The following RAD51B variants were observed in gnomAD, a reference collection of about 807,000 sequenced individuals.
RAD51B encodes the protein RAD51 paralog B.
Under a neutral mutation model 42.2 loss-of-function variants are expected in RAD51B, and 38 were observed. The observed-to-expected ratio is 0.90, with a 90% CI of 0.70 to 1.18. The LOEUF (loss-of-function observed/expected upper bound fraction) is 1.18. Ranked by LOEUF, RAD51B falls within the 50% of genes most tolerant of loss-of-function variation. RAD51B has a pLI of 0.00. For missense variants in RAD51B, 373 were observed against 400.7 expected, an observed-to-expected ratio of 0.93 and a Z score of 0.59; for synonymous variants, 154 against 145.2, an observed-to-expected ratio of 1.06 and a Z score of -0.43.
At chr14:68,549,033 G>A (rs1888379020) in intron 10 of RAD51B, among the ~76,000 whole-genome samples, 1 of 152,108 alleles carries the variant, frequency 6.6e-6, no homozygotes, top group Non-Finnish European at 1.5e-5. Flanking sequence ...AGATCCCCAG[G>A]GAGTGACTGT....
chr14:68,283,085 A>C (rs2081350339), intron 7 of RAD51B, among the ~76,000 whole-genome samples: 2 of 152,214 alleles, frequency 1.3e-5, no homozygotes, highest in Non-Finnish European at 2.9e-5. Flanking sequence ...AAGAAGGGGA[A>C]ATCACTTAAT....
At chr14:68,038,095 C>T (rs1182870774) in intron 7 of RAD51B, among the ~76,000 whole-genome samples, 2 of 152,192 alleles carry the variant, frequency 1.3e-5, no homozygotes, top group Non-Finnish European at 2.9e-5. Context: ...TATTATTTGA[C>T]ATCATAAATG....
intron 10 of RAD51B, among the ~76,000 whole-genome samples, chr14:68,631,846 C>G (rs1398140044): frequency 6.6e-6 from 1 of 152,200 alleles, no homozygotes; most frequent in Non-Finnish European, 1.5e-5. Context: ...TGCGTGCTGG[C>G]CATCCACCTC....
intron 10 of RAD51B, chr14:68,497,485 GTT>G (rs371293516): frequency 1.1e-5 from 9 of 843,368 alleles, no homozygotes; most frequent in East Asian, 6.2e-5. Context: ...GAACACATAG[GTT>G]TTTTTTTTTT....
At chr14:68,362,910 ATC>A (rs1445925747) in intron 8 of RAD51B, among the ~76,000 whole-genome samples, 1 of 151,870 alleles carries the variant, frequency 6.6e-6, no homozygotes, top group Non-Finnish European at 1.5e-5. Context: ...TCTCACTTTT[ATC>A]TCTAGTTTGA....
At chr14:68,357,220 T>G (rs2082928455) in intron 8 of RAD51B, among the ~76,000 whole-genome samples, 1 of 152,204 alleles carries the variant, frequency 6.6e-6, no homozygotes, top group Admixed American at 6.5e-5. Context: ...CACCAGTAGA[T>G]TCCATCTCAA....
chr14:68,623,186 T>C (rs12890235), intron 10 of RAD51B, among the ~76,000 whole-genome samples: 35,325 of 152,134 alleles, frequency 0.23, 4,392 homozygotes, highest in South Asian at 0.35. Context: ...GGCAGGATTA[T>C]GGGCAGACTG....
At chr14:68,113,007 C>T (rs2077483390) in intron 7 of RAD51B, among the ~76,000 whole-genome samples, 1 of 152,170 alleles carries the variant, frequency 6.6e-6, no homozygotes, top group African/African-American at 2.4e-5. Context: ...TTTGACCTAC[C>T]ATATCTAATT....
At position 68,344,507 on chromosome 14, in the gene RAD51B, C is replaced by T. The variant is rs576703737; in HGVS notation, c.853+52527C>T. Reference sequence around the variant, plus strand: ...CTAAAAGTACAAAAAATTAGCACGGCGTGGTGGTGGGCGCCTGTAGTCCCA... The same window carrying T: ...CTAAAAGTACAAAAAATTAGCACGGTGTGGTGGTGGGCGCCTGTAGTCCCA... On this transcript the variant is annotated intron_variant, in intron 8 of 10. Coordinates refer to ENST00000471583, the MANE Select transcript of RAD51B (RefSeq NM_133510.4). Among the ~76,000 whole-genome samples, 180 of 152,074 alleles carry T rather than the reference C, an allele frequency of 1.2e-3. 1 individual carries two copies. The highest frequency in any genetic ancestry group is 4.1e-3 in the African/African-American group (170 of 41,466).
At chr14:68,296,415 G>A (rs549505257) in intron 8 of RAD51B, among the ~76,000 whole-genome samples, 9 of 152,238 alleles carry the variant, frequency 5.9e-5, no homozygotes, top group African/African-American at 2.2e-4. Flanking sequence ...CTGTTGTGTG[G>A]CCAAGGACAC....
intron 7 of RAD51B, among the ~76,000 whole-genome samples, chr14:67,902,871 A>G (rs1196542491): frequency 6.6e-6 from 1 of 151,624 alleles, no homozygotes; most frequent in Non-Finnish European, 1.5e-5. Context: ...TTTTTTGAAG[A>G]TGGAGTCTTG....
At chr14:68,336,471 T>A (rs1025700944) in intron 8 of RAD51B, among the ~76,000 whole-genome samples, 1 of 152,212 alleles carries the variant, frequency 6.6e-6, no homozygotes, top group Non-Finnish European at 1.5e-5. Context: ...ATGGGAGATG[T>A]GAAGCAATCT....
chr14:68,114,011 A>G (rs1022022738), intron 7 of RAD51B: 1 of 152,182 alleles, frequency 6.6e-6, no homozygotes, highest in Admixed American at 6.6e-5. Flanking sequence ...CATTCAGTAC[A>G]AACAAAGAGT....
chr14:68,099,138 T>C lies in RAD51B; in HGVS notation c.757-192746T>C, dbSNP rs1376115086. Among the ~76,000 whole-genome samples the C allele has an allele frequency of 3.3e-5, 5 of 152,156 alleles. No individual in the cohort carries two copies. The East Asian group carries it at 9.6e-4, about 29-fold the overall frequency. On this transcript the variant is annotated intron_variant, in intron 7 of 10. Coordinates refer to ENST00000471583, the MANE Select transcript of RAD51B (RefSeq NM_133510.4). ...CCCTAACTTGGGAAAGTCTCTTTGT[T>C]CTCCCCAGCTGCTAATCACTTCCTA...
At chr14:67,858,089 G>A (rs764939913) in intron 4 of RAD51B, 1 of 152,368 alleles carries the variant, frequency 6.6e-6, no homozygotes. Context: ...AATCCCCAGA[G>A]TGGGTGTTAC....
chr14:68,538,380 C>T (rs888213760), intron 10 of RAD51B, among the ~76,000 whole-genome samples: 1 of 152,236 alleles, frequency 6.6e-6, no homozygotes, highest in Admixed American at 6.5e-5. Context: ...TGCCCTGTAT[C>T]TGTGTGCAAC....
At chr14:68,045,147 T>C (rs568568624) in intron 7 of RAD51B, among the ~76,000 whole-genome samples, 1 of 142,826 alleles carries the variant, frequency 7.0e-6, no homozygotes, top group Non-Finnish European at 1.5e-5. Flanking sequence ...GAGGCAGGAG[T>C]ATTGCTTGAA....
intron 7 of RAD51B, among the ~76,000 whole-genome samples, chr14:67,985,094 T>TA (rs2075160686): frequency 6.6e-6 from 1 of 152,192 alleles, no homozygotes; most frequent in Admixed American, 6.5e-5. Flanking sequence ...TTCATGGAGT[T>TA]AAAAAAATTA....
chr14:68,423,495 G>C (rs556342576), intron 9 of RAD51B, among the ~76,000 whole-genome samples: 1 of 152,228 alleles, frequency 6.6e-6, no homozygotes, highest in East Asian at 1.9e-4. Context: ...GGAGCACATT[G>C]AACGTTATGG....
Sources: allele counts gnomAD v4.1 joint callset (sites outside exome capture counted in the v4.1 genomes callset), GRCh38; gene constraint gnomAD v4.1.1; transcripts MANE v1.5; gene names NCBI Gene and HGNC (gene_info 2026-07-23, HGNC 2026-07-21).